The following SDK1 variants were observed in gnomAD, a reference collection of about 807,000 sequenced individuals.
SDK1 encodes protein sidekick-1.
Under a neutral mutation model 245.5 loss-of-function variants are expected in SDK1, and 157 were observed. The ratio of observed to expected loss-of-function variants is 0.64; its 90% CI spans 0.56 to 0.73. The LOEUF (loss-of-function observed/expected upper bound fraction) is 0.73. Among genes scored for constraint, SDK1 ranks in the 30% least tolerant of loss-of-function variants. The pLI is 0.00. For synonymous variants in SDK1, 1,647 were observed against 1,278.5 expected (o/e 1.29, Z -6.15); for missense variants, 3,583 against 3,002.3 (o/e 1.19, Z -4.52).
At chr7:3,969,711 A>C (rs770847807) in intron 11 of SDK1, among the ~76,000 whole-genome samples, 1 of 152,262 alleles carries the variant, frequency 6.6e-6, no homozygotes, top group Non-Finnish European at 1.5e-5. Context: ...CTCAAATCAC[A>C]AAATTGATAG....
intron 5 of SDK1, among the ~76,000 whole-genome samples, chr7:3,928,864 A>G (rs1436776457): frequency 1.3e-5 from 2 of 152,354 alleles, no homozygotes; most frequent in East Asian, 3.9e-4. Flanking sequence ...TTCAGACAGC[A>G]AAGTGGCAGA....
intron 1 of SDK1, among the ~76,000 whole-genome samples, chr7:3,549,879 C>T (rs576610385): frequency 6.6e-6 from 1 of 151,886 alleles, no homozygotes; most frequent in Non-Finnish European, 1.5e-5. Context: ...TTTCCTTGAG[C>T]TAAAATTTAG....
chr7:3,679,962 A>T (rs1002555698), intron 4 of SDK1, among the ~76,000 whole-genome samples: 3 of 152,188 alleles, frequency 2.0e-5, no homozygotes, highest in African/African-American at 7.2e-5. Context: ...GCAAATGTTC[A>T]CAGAGGCTTT....
chr7:3,508,625 G>A (rs1583973092), intron 1 of SDK1, among the ~76,000 whole-genome samples: 1 of 152,126 alleles, frequency 6.6e-6, no homozygotes, highest in African/African-American at 2.4e-5. Context: ...ACCCCGCCCA[G>A]CCTTACATCA....
intron 1 of SDK1, among the ~76,000 whole-genome samples, chr7:3,401,193 C>G (rs1036226244): frequency 2.8e-4 from 42 of 152,286 alleles, no homozygotes; most frequent in African/African-American, 9.6e-4. Context: ...ATGTCAGCCA[C>G]TTACACGAGC....
chr7:4,175,420 G>C (rs573647001), intron 33 of SDK1, among the ~76,000 whole-genome samples: 1 of 152,362 alleles, frequency 6.6e-6, no homozygotes, highest in South Asian at 2.1e-4. Flanking sequence ...GGCTCCCTGC[G>C]TGAGCATGAG....
At chr7:4,146,760 G>A (rs538556430) in intron 29 of SDK1, among the ~76,000 whole-genome samples, 79 of 152,332 alleles carry the variant, frequency 5.2e-4, no homozygotes, top group African/African-American at 1.8e-3. Context: ...TCTGCTCCAC[G>A]CACGGAGACA....
intron 1 of SDK1, among the ~76,000 whole-genome samples, chr7:3,371,615 A>G (rs1201377068): frequency 6.6e-6 from 1 of 152,218 alleles, no homozygotes; most frequent in African/African-American, 2.4e-5. Flanking sequence ...TACTAAGATA[A>G]TCAGAAGACT....
chr7:3,364,012 T>TAA (rs1414882253), intron 1 of SDK1, among the ~76,000 whole-genome samples: 2 of 152,250 alleles, frequency 1.3e-5, no homozygotes, highest in Non-Finnish European at 2.9e-5. Context: ...TATGTGGTGA[T>TAA]ACCTTATTTT....
chr7:4,214,911 T>G (rs1255268081), intron 38 of SDK1, among the ~76,000 whole-genome samples: 4 of 152,224 alleles, frequency 2.6e-5, no homozygotes, highest in African/African-American at 9.6e-5. Flanking sequence ...CCAGCCGGGA[T>G]GAGCCTGAGT....
chr7:3,881,554 C>T (rs1781209823), intron 5 of SDK1, among the ~76,000 whole-genome samples: 1 of 152,164 alleles, frequency 6.6e-6, no homozygotes, highest in Non-Finnish European at 1.5e-5. Flanking sequence ...ACTAGTGCTG[C>T]AATGAACATA....
At chr7:3,908,405 C>T (rs117180123) in intron 5 of SDK1, among the ~76,000 whole-genome samples, 3,028 of 152,248 alleles carry the variant, frequency 0.02, 52 homozygotes, top group Middle Eastern at 0.031. Context: ...GTCCCGACAG[C>T]GTCGACACAT....
intron 4 of SDK1, among the ~76,000 whole-genome samples, chr7:3,782,831 T>G (rs1780785664): frequency 6.6e-6 from 1 of 152,228 alleles, no homozygotes; most frequent in Non-Finnish European, 1.5e-5. Context: ...AAGTTGAACT[T>G]TTATAAGTCA....
chr7:4,222,575 C>T (rs560632497), intron 40 of SDK1, among the ~76,000 whole-genome samples: 10 of 152,262 alleles, frequency 6.6e-5, no homozygotes, highest in South Asian at 2.1e-4. Context: ...GATTACAGGC[C>T]TGAGCCACGG....
At chr7:3,953,168 A>AT (rs1365197121) in intron 7 of SDK1, among the ~76,000 whole-genome samples, 40 of 135,236 alleles carry the variant, frequency 3.0e-4, no homozygotes, top group African/African-American at 8.7e-4. Context: ...TTGCAAAATA[A>AT]GGAAAAAAAA....
chr7:4,130,511 T>C (rs1335229543), intron 27 of SDK1: 2 of 173,596 alleles, frequency 1.2e-5, no homozygotes, highest in Non-Finnish European at 2.4e-5. Flanking sequence ...AGGAGACTAC[T>C]ATAGTTTAAA....
chr7:3,926,726 G>A (rs1203427135), intron 5 of SDK1, among the ~76,000 whole-genome samples: 1 of 152,170 alleles, frequency 6.6e-6, no homozygotes, highest in Non-Finnish European at 1.5e-5. Context: ...TCACATACCA[G>A]CCACCACTTT....
At chr7:3,507,973 T>C (rs1252785216) in intron 1 of SDK1, among the ~76,000 whole-genome samples, 1 of 152,218 alleles carries the variant, frequency 6.6e-6, no homozygotes, top group Non-Finnish European at 1.5e-5. Context: ...TTGACACTGC[T>C]GACTGTCCTG....
intron 4 of SDK1, among the ~76,000 whole-genome samples, chr7:3,718,340 A>T (rs1352782893): frequency 6.6e-6 from 1 of 151,700 alleles, no homozygotes; most frequent in African/African-American, 2.4e-5. Context: ...GTCTCAAAAA[A>T]ATAATAAAAA....
Sources: allele counts gnomAD v4.1 joint callset (sites outside exome capture counted in the v4.1 genomes callset), GRCh38; gene constraint gnomAD v4.1.1; transcripts MANE v1.5; gene names NCBI Gene and HGNC (gene_info 2026-07-23, HGNC 2026-07-21).